The following TTI2 variants were observed in gnomAD, a reference collection of about 807,000 sequenced individuals.
TTI2 encodes TELO2-interacting protein 2.
TTI2 carries 26 observed loss-of-function variants against 44.9 expected under a neutral mutation model. The ratio of observed to expected loss-of-function variants is 0.58; its 90% confidence interval spans 0.42 to 0.80. The LOEUF (loss-of-function observed/expected upper bound fraction) is 0.80, where lower values mean the gene tolerates loss of function less well. Ranked by LOEUF, TTI2 falls within the 30% of genes least tolerant of loss-of-function variation. The probability of loss-of-function intolerance (pLI) is 0.00; values close to 1 mark genes in which losing one functional copy is unlikely to be tolerated. For synonymous variants in TTI2, 254 were observed against 250.9 expected, an observed-to-expected ratio of 1.01 and a Z score of -0.12; for missense variants, 582 against 611.6, an observed-to-expected ratio of 0.95 and a Z score of 0.51.
chr8:33,509,851 C>G lies in TTI2; in HGVS notation c.729G>C (p.Gln243His), dbSNP rs991330478. ...ATGCGGGAAGTACCCTTTCCAGATGCTGGCTCAGCCAGGGCCGAGTGACCT... is the reference window on the plus strand; with the variant it reads ...ATGCGGGAAGTACCCTTTCCAGATGGTGGCTCAGCCAGGGCCGAGTGACCT... ...LQQVTRPWLS[Q>H]HLERVLPASL... is the part of the protein sequence containing the mutation. Residue 243 changes from glutamine (Q) to histidine (H), a missense_variant, in exon 3 of 8, where the codon CAG becomes CAC. By Grantham distance (24) the Gln-to-His change is conservative. Coordinates refer to ENST00000431156, the MANE Select transcript of TTI2 (RefSeq NM_001102401.4). 1.2e-6 allele frequency: 2 copies of G among 1,613,938 alleles called. No homozygotes were observed. The highest frequency in any genetic ancestry group is 2.7e-5 in the African/African-American group (2 of 74,900).
In TTI2 at chr8:33,512,281, C is replaced by G. The variant is rs149962903; in HGVS notation, c.333G>C (p.Glu111Asp). 1.3e-5 allele frequency: 21 copies of G among 1,614,088 alleles called. No homozygotes were observed. The highest frequency in any genetic ancestry group is 1.6e-5 in the Non-Finnish European group (19 of 1,180,046). The change falls in exon 2 of 8, where the codon GAG becomes GAC. Residue 111 changes from glutamate (E) to aspartate (D), a missense_variant. By Grantham distance (45) the Glu-to-Asp change is conservative (BLOSUM62 2). Transcript: ENST00000431156. ...GGGDGHSEAA[E>D]KAAQVGLLFL... ...ACAGTAACCCAACTTGGGCTGCTTT[C>G]TCGGCCGCTTCGGAGTGCCCATCAC...
At chr8:33,501,071 C>T (rs1355612872) in intron 6 of TTI2, 2 of 153,934 alleles carry the variant, frequency 1.3e-5, no homozygotes, top group Admixed American at 1.3e-4. Flanking sequence ...ATGGACAATG[C>T]TAGTGACTGC....
chr8:33,505,459 T>TAC (rs1554527289), intron 4 of TTI2, among the ~76,000 whole-genome samples: 1 of 151,366 alleles, frequency 6.6e-6, no homozygotes, highest in Non-Finnish European at 1.5e-5. Flanking sequence ...CCTAGTTAGT[T>TAC]ACCTATTGCT....
chr8:33,509,400 G>A (rs532364245), intron 3 of TTI2, among the ~76,000 whole-genome samples: 138 of 146,600 alleles, frequency 9.4e-4, no homozygotes, highest in Non-Finnish European at 1.9e-3. Context: ...AGGTTGCAGT[G>A]GGACAAGATC....
At chr8:33,509,595 A>T (rs1809443691) in intron 3 of TTI2, 151 bp downstream of exon 3, 2 of 739,294 alleles carry the variant, frequency 2.7e-6, no homozygotes, top group African/African-American at 3.5e-5. Flanking sequence ...TACCTATAGG[A>T]TACAACTTCT....
intron 6 of TTI2, chr8:33,501,138 T>C (rs1809061398): frequency 6.6e-6 from 1 of 152,200 alleles, no homozygotes; most frequent in Non-Finnish European, 1.5e-5. Context: ...ATGGAAAATT[T>C]ATATGTATTT....
At chr8:33,503,147 A>C (rs967511783) in intron 6 of TTI2, among the ~76,000 whole-genome samples, 194 of 144,294 alleles carry the variant, frequency 1.3e-3, no homozygotes, top group Non-Finnish European at 2.3e-3. Context: ...AAAAAAAAAA[A>C]ACAAAAAAGA....
intron 7 of TTI2, 139 bp from the exon 8 acceptor site, chr8:33,499,416 T>G (rs970968858): frequency 1.5e-6 from 1 of 663,480 alleles, no homozygotes; most frequent in African/African-American, 1.8e-5. Context: ...CTAAGCAGAA[T>G]AGGTATTAGT....
chr8:33,507,778 G>A (rs1809352521), intron 3 of TTI2, among the ~76,000 whole-genome samples: 1 of 151,658 alleles, frequency 6.6e-6, no homozygotes. Flanking sequence ...TTAAGGCCAA[G>A]TTTGACAGCA....
intron 5 of TTI2, 78 bp downstream of exon 5, chr8:33,503,670 G>A (rs1009200031): frequency 1.2e-6 from 2 of 1,605,430 alleles, no homozygotes; most frequent in East Asian, 2.2e-5. Flanking sequence ...TTGAGGCCAG[G>A]AGCTCGAGAG....
intron 6 of TTI2, among the ~76,000 whole-genome samples, chr8:33,502,938 G>A (rs1490743099): frequency 6.6e-6 from 1 of 151,902 alleles, no homozygotes; most frequent in Non-Finnish European, 1.5e-5. Context: ...GACCAGCCTG[G>A]CCAACATAGT....
At chr8:33,503,137 A>C (rs1220195969) in intron 6 of TTI2, among the ~76,000 whole-genome samples, 6 of 87,132 alleles carry the variant, frequency 6.9e-5, no homozygotes, top group Non-Finnish European at 1.0e-4. Context: ...TCAAAAAAAA[A>C]AAAAAAAAAA....
Position 33,512,241 on chromosome 8 carries a change from C to T in TTI2, c.373G>A (p.Gly125Arg). ...QVGLLFLKLL[G>R]KVETAKNSLV... ...GAATTCTTAGCAGTCTCAACTTTCC[C>T]TAACAGTTTAAGAAACAGTAACCCA... is the stretch of plus-strand genomic sequence containing the variant. The change falls in exon 2 of 8, where the codon GGG (glycine) becomes AGG (arginine). Residue 125 changes from glycine (G) to arginine (R), a missense_variant. Coordinates refer to ENST00000431156, the MANE Select transcript of TTI2 (RefSeq NM_001102401.4). 1.2e-6 allele frequency: 2 copies of T among 1,614,216 alleles called. No homozygotes were observed. The highest frequency in any genetic ancestry group is 1.7e-6 in the Non-Finnish European group (2 of 1,180,030).
At chr8:33,510,357 AAAT>A (rs1295690600) in intron 2 of TTI2, among the ~76,000 whole-genome samples, 1 of 152,210 alleles carries the variant, frequency 6.6e-6, no homozygotes, top group African/African-American at 2.4e-5. Context: ...CTAATTCTCA[AAAT>A]AATTACTGTG....
intron 3 of TTI2, 30 bp from the exon 4 acceptor site, chr8:33,507,351 GA>G: frequency 6.2e-7 from 1 of 1,600,024 alleles, no homozygotes; most frequent in Non-Finnish European, 8.6e-7. Flanking sequence ...CAAATTAAAA[GA>G]ATAGTTTCCC....
At chr8:33,505,205 A>T (rs761148764) in intron 4 of TTI2, among the ~76,000 whole-genome samples, 16 of 152,308 alleles carry the variant, frequency 1.1e-4, no homozygotes, top group Middle Eastern at 6.8e-3. Context: ...CCTGCATGAC[A>T]GAGCAAGATC....
intron 4 of TTI2, among the ~76,000 whole-genome samples, chr8:33,504,471 A>C (rs1286137445): frequency 1.3e-5 from 2 of 151,332 alleles, no homozygotes; most frequent in Admixed American, 6.6e-5. Context: ...TAACTTTTCT[A>C]TTTTTTAGTA....
chr8:33,500,356 A>G lies in TTI2; in HGVS notation c.1394T>C (p.Leu465Pro), dbSNP rs377112198. 1 of 1,614,188 alleles carries G rather than the reference A, an allele frequency of 6.2e-7. No homozygotes were observed. Among genetic ancestry groups the G allele is most frequent in the Non-Finnish European group, 8.5e-7 (1 of 1,180,034 alleles). ...LQEATDCLIL[L>P]DRCSQGRVKG... Reference sequence around the variant, plus strand: ...TACCCGTCCTTGAGAACAGCGGTCCAGGAGAATCAGGCAGTCTGTGGCCTC... The same window carrying G: ...TACCCGTCCTTGAGAACAGCGGTCCGGGAGAATCAGGCAGTCTGTGGCCTC... The change falls in exon 7 of 8, where the codon CTG (leucine) becomes CCG (proline). Residue 465 changes from leucine (L) to proline (P), a missense_variant. Coordinates refer to ENST00000431156, the MANE Select transcript of TTI2 (RefSeq NM_001102401.4).
intron 4 of TTI2, among the ~76,000 whole-genome samples, chr8:33,505,228 AT>A (rs1809251707): frequency 6.6e-6 from 1 of 152,140 alleles, no homozygotes. Context: ...CCTCAAAAAA[AT>A]AAATTAAATA....
Sources: gnomAD v4.1 joint callset for allele counts (sites outside exome capture counted in the v4.1 genomes callset) on GRCh38, gnomAD v4.1.1 for gene constraint, MANE v1.5 for transcripts, NCBI Gene and HGNC (gene_info 2026-07-23, HGNC 2026-07-21) for gene names.